Variants in KLKB1 observed in about 807,000 individuals in gnomAD.
KLKB1 encodes the protein kallikrein B1, also known as plasma kallikrein.
In KLKB1, 58 loss-of-function variants were observed where a neutral mutation model predicts 73.6. That is an observed-to-expected ratio of 0.79 (90% CI 0.64 to 0.98). KLKB1 has a LOEUF of 0.98. Ranked by LOEUF, KLKB1 falls within the 50% of genes least tolerant of loss-of-function variation. KLKB1 has a pLI of 0.00. For missense variants in KLKB1, 737 were observed against 763.8 expected (o/e 0.96, Z 0.41); for synonymous variants, 280 against 258.1 (o/e 1.08, Z -0.81).
intron 6 of KLKB1, among the ~76,000 whole-genome samples, chr4:186,249,504 C>A (rs2137146): frequency 1.3e-5 from 2 of 152,156 alleles, no homozygotes. Flanking sequence ...TACACACAGT[C>A]TTGATTACCA....
intron 2 of KLKB1, chr4:186,212,584 G>T (rs1736761023): frequency 6.6e-6 from 1 of 152,166 alleles, no homozygotes; most frequent in African/African-American, 2.4e-5. Context: ...AGATTCCTCA[G>T]TAATCTCCAA....
Position 186,239,329 on chromosome 4 carries a change from A to T in KLKB1, c.598+964A>T, listed in dbSNP as rs534311605. On this transcript the variant is annotated intron_variant, in intron 6 of 14. Transcript: ENST00000264690. ...TATAGGACAGTGATATAGGACAGTGATATTGTTATAGTTATAGGAAACTAG... is the reference window on the plus strand; with the variant it reads ...TATAGGACAGTGATATAGGACAGTGTTATTGTTATAGTTATAGGAAACTAG... Among the ~76,000 whole-genome samples the T allele has an allele frequency of 9.9e-5, 15 of 151,556 alleles. No individual in the cohort carries two copies. In the South Asian group the frequency reaches 3.2e-3, roughly 32 times the overall value.
In KLKB1 at chr4:186,254,684, T is replaced by G. The variant is rs138430642; in HGVS notation, c.1410T>G (p.Ile470Met). The change falls in exon 12 of 15, where the codon ATT becomes ATG. Residue 470 changes from isoleucine to methionine, a missense_variant. Ile to Met is a conservative substitution (Grantham distance 10). Coordinates refer to ENST00000264690, the MANE Select transcript of KLKB1 (RefSeq NM_000892.5). The stretch of plus-strand genomic sequence containing the variant: ...CTTTCTCACAAATAAAAGAGATTAT[T>G]ATTCACCAAAACTATAAAGTCTCAG... Reference protein sequence around the residue: ...DTPFSQIKEIIIHQNYKVSEG... With the variant: ...DTPFSQIKEIMIHQNYKVSEG... The G allele has an allele frequency of 1.2e-6, 2 of 1,613,642 alleles. No homozygotes were observed. Among genetic ancestry groups the G allele is most frequent in the African/African-American group, 2.7e-5 (2 of 74,912 alleles).
intron 1 of KLKB1, 120 bp from the exon 2 acceptor site, chr4:186,228,075 T>C: frequency 1.4e-6 from 1 of 693,796 alleles, no homozygotes; most frequent in Non-Finnish European, 2.6e-6. Flanking sequence ...TCTATACCAG[T>C]AATTGTGTGC....
intron 3 of KLKB1, 98 bp downstream of exon 3, chr4:186,232,387 G>A (rs1005035816): frequency 1.2e-5 from 14 of 1,136,722 alleles, no homozygotes; most frequent in African/African-American, 4.6e-5. Flanking sequence ...TTCCTCACAC[G>A]GGGTTCAAGG....
At chr4:186,225,199 C>A (rs771021880), upstream of KLKB1, among the ~76,000 whole-genome samples, 1 of 152,102 alleles carries the variant, frequency 6.6e-6, no homozygotes, top group Non-Finnish European at 1.5e-5. Context: ...CTGGGAAATT[C>A]TTTTTGTCTC....
upstream of KLKB1, among the ~76,000 whole-genome samples, chr4:186,225,910 C>G (rs1737153508): frequency 6.6e-6 from 1 of 152,072 alleles, no homozygotes. Context: ...TATTAATTTT[C>G]TTAACAGTGT....
intron 6 of KLKB1, among the ~76,000 whole-genome samples, chr4:186,238,791 C>T (rs1737842731): frequency 6.6e-6 from 1 of 152,232 alleles, no homozygotes; most frequent in Admixed American, 6.5e-5. Context: ...AAGACCCAAT[C>T]TCTAGAACAG....
chr4:186,214,802 C>G (rs1736840046), intron 2 of KLKB1, among the ~76,000 whole-genome samples: 1 of 152,192 alleles, frequency 6.6e-6, no homozygotes, highest in Non-Finnish European at 1.5e-5. Context: ...GCCTCAGTTT[C>G]TTGTCCAGAA....
At position 186,254,874 on chromosome 4, in the gene KLKB1, T is replaced by G. The variant is rs377326334; in HGVS notation, c.1489+111T>G. 129 of 948,000 alleles carry G rather than the reference T, an allele frequency of 1.4e-4. No homozygotes were observed. The African/African-American group carries it at 1.7e-3, about 13-fold the overall frequency. 58.7% of individuals were successfully genotyped at this position (948,000 alleles called of 1,614,324 possible). On this transcript the variant is annotated intron_variant, in intron 12 of 14. Transcript: ENST00000264690. ...GAGACTGTCGTCGTTTTCTGACTGG[T>G]GGAGTTGAGGGAAACGTGAGGGTTG...
rs2126638611 is a variant in KLKB1, at chr4:186,236,836, G to A, written c.384G>A (p.Val128=). Residue 128 remains valine (V), a synonymous_variant, in exon 5 of 15, where the codon GTG becomes GTA. Transcript: ENST00000264690. ...ATATGAGAGGAGTCAATTTTAATGT[G>A]TCTAAGGTTAGCAGTGTTGAAGAAT... ...GVDMRGVNFN[V]SKVSSVEECQ... 6.2e-7 allele frequency: 1 copy of A among 1,613,902 alleles called. No individual in the cohort carries two copies. Among genetic ancestry groups the A allele is most frequent in the African/African-American group, 1.3e-5 (1 of 74,986 alleles).
intron 1 of KLKB1, 149 bp from the exon 2 acceptor site, chr4:186,228,046 C>CA (rs4253240): frequency 0.072 from 41,898 of 585,298 alleles, 1,121 homozygotes; most frequent in Non-Finnish European, 0.084. Context: ...ACAAATGTAC[C>CA]AAAAAAAAAC....
chr4:186,232,994 A>G (rs1160341237), intron 3 of KLKB1, among the ~76,000 whole-genome samples: 3 of 152,096 alleles, frequency 2.0e-5, no homozygotes, highest in Non-Finnish European at 4.4e-5. Context: ...GGCTCACTGC[A>G]ACTTCCACCT....
chr4:186,222,417 T>C (rs1209899499), upstream of KLKB1, among the ~76,000 whole-genome samples: 1 of 152,218 alleles, frequency 6.6e-6, no homozygotes, highest in African/African-American at 2.4e-5. Context: ...TCTTTATGTT[T>C]TGTATATCTA....
chr4:186,239,077 T>A (rs1737864107), intron 6 of KLKB1, among the ~76,000 whole-genome samples: 1 of 135,644 alleles, frequency 7.4e-6, no homozygotes, highest in East Asian at 2.3e-4. Context: ...TATAGGAAAC[T>A]AGTACAGTGA....
chr4:186,233,842 T>C (rs1737526877), intron 3 of KLKB1, 110 bp from the exon 4 acceptor site: 2 of 778,692 alleles, frequency 2.6e-6, no homozygotes, highest in Admixed American at 2.0e-5. Context: ...GGGGAAGCTA[T>C]ATTATTTTCC....
intron 6 of KLKB1, among the ~76,000 whole-genome samples, chr4:186,247,410 G>C (rs746904105): frequency 2.8e-4 from 42 of 152,098 alleles, no homozygotes; most frequent in Admixed American, 1.2e-3. Context: ...TGGCGGGCAG[G>C]GGTGGGGGGT....
chr4:186,240,011 T>C (rs182992069), intron 6 of KLKB1, among the ~76,000 whole-genome samples: 3 of 150,248 alleles, frequency 2.0e-5, no homozygotes, highest in Admixed American at 6.6e-5. Context: ...GTTATAGTTA[T>C]AGGAAACTAG....
chr4:186,226,155 G>C (rs1737160907), upstream of KLKB1, among the ~76,000 whole-genome samples: 1 of 151,656 alleles, frequency 6.6e-6, no homozygotes, highest in African/African-American at 2.4e-5. Context: ...TTCTAATTTT[G>C]CTCATGTATT....
Sources: gnomAD v4.1 joint callset for allele counts (sites outside exome capture counted in the v4.1 genomes callset) on GRCh38, gnomAD v4.1.1 for gene constraint, MANE v1.5 for transcripts, NCBI Gene and HGNC (gene_info 2026-07-23, HGNC 2026-07-21) for gene names.